SLC6A5: variants seen among roughly 807,000 people sequenced by gnomAD.
The protein encoded by SLC6A5 is sodium- and chloride-dependent glycine transporter 2.
A neutral mutation model predicts 90.5 loss-of-function variants in SLC6A5; 58 were observed. The observed-to-expected ratio is 0.64, with a 90% CI of 0.52 to 0.80. The LOEUF (loss-of-function observed/expected upper bound fraction) is 0.80. Ranked by LOEUF, SLC6A5 falls within the 30% of genes least tolerant of loss-of-function variation. The pLI is 0.00. For synonymous variants in SLC6A5, 427 were observed against 401.4 expected, an observed-to-expected ratio of 1.06 and a Z score of -0.76; for missense variants, 1,015 against 1,017.6, an observed-to-expected ratio of 1.00 and a Z score of 0.03.
Position 20,655,186 on chromosome 11 carries a change from T to G in SLC6A5, c.*318T>G. 1 of 386,444 alleles carries G rather than the reference T, an allele frequency of 2.6e-6. No individual in the cohort carries two copies. The highest frequency in any genetic ancestry group is 2.1e-5 in the South Asian group (1 of 47,822). 23.9% of individuals were successfully genotyped at this position (386,444 alleles called of 1,614,324 possible). A position where few individuals can be genotyped will look rare whatever the true frequency, so the allele number is the denominator to read the frequency against. ...TGGTAGGTATGCGTGGTTTTGTCAATAGAGAGGTATCCACTGTGTGATGGC... is the reference window on the plus strand; with the variant it reads ...TGGTAGGTATGCGTGGTTTTGTCAAGAGAGAGGTATCCACTGTGTGATGGC... On this transcript the variant is annotated 3_prime_UTR_variant, in exon 16 of 16. Coordinates refer to ENST00000525748, the MANE Select transcript of SLC6A5 (RefSeq NM_004211.5).
intron 7 of SLC6A5, among the ~76,000 whole-genome samples, chr11:20,625,510 C>T (rs1292989003): frequency 6.6e-6 from 1 of 152,184 alleles, no homozygotes; most frequent in Non-Finnish European, 1.5e-5. Context: ...GATCTGCCCG[C>T]CTTGACCTCC....
chr11:20,626,187 G>T (rs1156808097), intron 7 of SLC6A5, among the ~76,000 whole-genome samples: 1 of 152,154 alleles, frequency 6.6e-6, no homozygotes, highest in African/African-American at 2.4e-5. Context: ...AATGTCTAAG[G>T]TCACACAGCT....
intron 3 of SLC6A5, among the ~76,000 whole-genome samples, chr11:20,604,751 G>T (rs1162889697): frequency 6.6e-6 from 1 of 152,080 alleles, no homozygotes; most frequent in Non-Finnish European, 1.5e-5. Flanking sequence ...AGAGAGCGGC[G>T]GCACTCCGGG....
intron 2 of SLC6A5, among the ~76,000 whole-genome samples, chr11:20,602,590 G>A (rs1852500835): frequency 6.6e-6 from 1 of 152,006 alleles, no homozygotes; most frequent in Admixed American, 6.5e-5. Flanking sequence ...CTGGCCTCAG[G>A]GGCTATGCAT....
intron 9 of SLC6A5, 98 bp downstream of exon 9, chr11:20,628,181 T>A: frequency 9.8e-7 from 1 of 1,019,532 alleles, no homozygotes; most frequent in Non-Finnish European, 1.5e-6. Context: ...TCACATTTCA[T>A]CTTAGGGAGA....
Position 20,614,597 on chromosome 11 carries a change from G to T in SLC6A5, c.986-82G>T. The T allele has an allele frequency of 2.9e-6, 4 of 1,387,584 alleles. No individual in the cohort carries two copies. In the South Asian group the frequency reaches 3.5e-5, roughly 12 times the overall value. The allele number at this position is 1,387,584 out of a possible 1,614,324, so 86.0% of individuals were successfully genotyped here. On this transcript the variant is annotated intron_variant, in intron 5 of 15. Transcript: ENST00000525748. ...ATATTTGCAAATGTTTTTGGCATTT[G>T]TTTTTAAACTGCTGCAGAGAGACAA...
In SLC6A5 at chr11:20,637,291, A is replaced by G. The variant is rs569985143; in HGVS notation, c.1857A>G (p.Pro619=). Reference sequence around the variant, plus strand: ...TTTGTTTCTTCATCATGGGTTTTCCAATGATCACTCAGGTAAGCTGCCTCC... The same window carrying G: ...TTTGTTTCTTCATCATGGGTTTTCCGATGATCACTCAGGTAAGCTGCCTCC... ...CCICFFIMGF[P]MITQGGIYMF... The change falls in exon 12 of 16, where the codon CCA becomes CCG. Residue 619 remains proline (P), a synonymous_variant. Coordinates refer to ENST00000525748, the MANE Select transcript of SLC6A5 (RefSeq NM_004211.5). 2 of 1,613,484 alleles carry G rather than the reference A, an allele frequency of 1.2e-6. No homozygotes were observed. The highest frequency in any genetic ancestry group is 2.7e-5 in the African/African-American group (2 of 74,948).
At chr11:20,623,049 G>C (rs764146941) in intron 7 of SLC6A5, among the ~76,000 whole-genome samples, 1 of 152,198 alleles carries the variant, frequency 6.6e-6, no homozygotes, top group Non-Finnish European at 1.5e-5. Context: ...TGGAAGGAGA[G>C]AAGCAGGTTT....
intron 2 of SLC6A5, among the ~76,000 whole-genome samples, chr11:20,603,125 C>T (rs928889891): frequency 3.9e-5 from 6 of 152,190 alleles, no homozygotes; most frequent in Non-Finnish European, 7.3e-5. Flanking sequence ...TTCTCTCTCC[C>T]TAAGACTTCT....
intron 7 of SLC6A5, among the ~76,000 whole-genome samples, chr11:20,618,945 G>GACACACACACACACACACACAC (rs68111718): frequency 1.7e-4 from 26 of 148,662 alleles, no homozygotes; most frequent in African/African-American, 3.0e-4. Flanking sequence ...TGTCCCGCCC[G>GACACACACACACACACACACAC]ACACACACAC....
chr11:20,633,598 G>A (rs1452863906), intron 10 of SLC6A5, among the ~76,000 whole-genome samples: 3 of 152,292 alleles, frequency 2.0e-5, no homozygotes, highest in African/African-American at 7.2e-5. Flanking sequence ...TCTCATGGTA[G>A]GATCTCTGGG....
rs3045403 is a variant in SLC6A5, at chr11:20,613,652, CTTTTT to C, written c.986-1009_986-1005del. Among the ~76,000 whole-genome samples, 870 of 126,390 alleles carry C rather than the reference CTTTTT, an allele frequency of 6.9e-3. 8 individuals are homozygous for C. Among genetic ancestry groups the C allele is most frequent in the African/African-American group, 0.023 (778 of 33,730 alleles). The allele number at this position is 126,390 out of a possible 152,430, so 82.9% of individuals were successfully genotyped here. On this transcript the variant is annotated intron_variant, in intron 5 of 15. Transcript: ENST00000525748. ...CACCGATGTTTTGGACTAAATAATT[CTTTTT>C]TTTTTTTTTTTTTTTTTAAGAGACA...
chr11:20,641,995 G>A (rs956260562), intron 13 of SLC6A5, among the ~76,000 whole-genome samples: 15 of 152,022 alleles, frequency 9.9e-5, no homozygotes, highest in South Asian at 8.3e-4. Flanking sequence ...CTGGGACTTA[G>A]GGAGTATTAA....
intron 10 of SLC6A5, among the ~76,000 whole-genome samples, chr11:20,632,994 T>C (rs943643217): frequency 3.9e-5 from 6 of 152,130 alleles, no homozygotes; most frequent in African/African-American, 1.4e-4. Context: ...AGGATGGGAT[T>C]GGTGAAGAGA....
Position 20,657,721 on chromosome 11 carries a change from C to T in SLC6A5, c.*2853C>T, listed in dbSNP as rs1853654150. On this transcript the variant is annotated 3_prime_UTR_variant, in exon 16 of 16. Coordinates refer to ENST00000525748, the MANE Select transcript of SLC6A5 (RefSeq NM_004211.5). ...CCACTTGTGAGATTATTTCATAACA[C>T]CAACAAATGCCAGAAACTCATTCAG... The T allele has an allele frequency of 6.6e-6, 1 of 152,056 alleles. No individual in the cohort carries two copies. Among genetic ancestry groups the T allele is most frequent in the Non-Finnish European group, 1.5e-5 (1 of 68,006 alleles). The allele number at this position is 152,056 out of a possible 1,614,324, so 9.4% of individuals were successfully genotyped here. A position where few individuals can be genotyped will look rare whatever the true frequency, so the allele number is the denominator to read the frequency against.
intron 14 of SLC6A5, among the ~76,000 whole-genome samples, chr11:20,650,851 A>G (rs915536569): frequency 2.6e-5 from 4 of 151,746 alleles, no homozygotes; most frequent in Non-Finnish European, 4.4e-5. Flanking sequence ...TATTTTTAGT[A>G]GAGACGGGGT....
intron 14 of SLC6A5, 125 bp from the exon 15 acceptor site, chr11:20,652,163 TA>T: frequency 1.2e-6 from 1 of 844,034 alleles, no homozygotes; most frequent in East Asian, 2.5e-5. Context: ...TTAATAATAC[TA>T]CTCTTTCGTG....
rs779916559 is a variant in SLC6A5, at chr11:20,636,372, G to T, written c.1690G>T (p.Ala564Ser). 9.9e-6 allele frequency: 16 copies of T among 1,613,782 alleles called. No individual in the cohort carries two copies. The African/African-American group carries it at 1.9e-4, about 19-fold the overall frequency. Residue 564 changes from alanine to serine, a missense_variant, in exon 11 of 16, where the codon GCC (alanine) becomes TCC (serine). Ala to Ser is a moderately conservative substitution (Grantham distance 99, BLOSUM62 1). Coordinates refer to ENST00000525748, the MANE Select transcript of SLC6A5 (RefSeq NM_004211.5). ...CAGGCTGCCTCTCTCTCCGTTCTGGGCCATCATCTTTTTCCTGATGCTCCT... is the reference window on the plus strand; with the variant it reads ...CAGGCTGCCTCTCTCTCCGTTCTGGTCCATCATCTTTTTCCTGATGCTCCT... ...LTRLPLSPFW[A>S]IIFFLMLLTL...
intron 13 of SLC6A5, among the ~76,000 whole-genome samples, chr11:20,643,445 T>A (rs896496184): frequency 6.6e-5 from 10 of 152,176 alleles, no homozygotes; most frequent in Non-Finnish European, 8.8e-5. Context: ...AGCATGCAGT[T>A]CTTGCCTGTA....
Sources: allele counts gnomAD v4.1 joint callset (sites outside exome capture counted in the v4.1 genomes callset), GRCh38; gene constraint gnomAD v4.1.1; transcripts MANE v1.5; gene names NCBI Gene and HGNC (gene_info 2026-07-23, HGNC 2026-07-21).